Variants in SCP2 observed in about 807,000 individuals in gnomAD.
SCP2 encodes SCP-2/3-oxoacyl-CoA thiolase.
A neutral mutation model predicts 71.4 loss-of-function variants in SCP2; 48 were observed. The ratio of observed to expected loss-of-function variants is 0.67; its 90% CI spans 0.53 to 0.86. SCP2 has a LOEUF of 0.86. Ranked by LOEUF, SCP2 falls within the 40% of genes least tolerant of loss-of-function variation. SCP2 has a pLI of 0.00. For synonymous variants in SCP2, 220 were observed against 218.1 expected (o/e 1.01, Z -0.08); for missense variants, 560 against 655.6 (o/e 0.85, Z 1.59).
At chr1:53,031,685 C>T (rs1047580177) in intron 13 of SCP2, among the ~76,000 whole-genome samples, 1 of 152,214 alleles carries the variant, frequency 6.6e-6, no homozygotes, top group African/African-American at 2.4e-5. Context: ...CCTTTAAACT[C>T]TTTCTCCTCA....
chr1:53,032,279 G>T (rs1662604842), intron 13 of SCP2, among the ~76,000 whole-genome samples: 2 of 152,316 alleles, frequency 1.3e-5, no homozygotes, highest in African/African-American at 4.8e-5. Context: ...AGTTCTGGTT[G>T]TACTACCCAC....
chr1:53,043,828 T>C (rs1663598236), intron 14 of SCP2, among the ~76,000 whole-genome samples: 2 of 152,172 alleles, frequency 1.3e-5, no homozygotes, highest in African/African-American at 4.8e-5. Flanking sequence ...ATGTTATATA[T>C]CTGCAATAGA....
At chr1:52,966,593 A>G (rs1656977735) in intron 6 of SCP2, among the ~76,000 whole-genome samples, 1 of 152,064 alleles carries the variant, frequency 6.6e-6, no homozygotes, top group African/African-American at 2.4e-5. Flanking sequence ...ATTTTATACT[A>G]AAGAAATAGG....
At chr1:52,966,751 G>A (rs931694089) in intron 6 of SCP2, among the ~76,000 whole-genome samples, 8 of 151,492 alleles carry the variant, frequency 5.3e-5, no homozygotes, top group East Asian at 1.9e-4. Flanking sequence ...AAAATTAGCC[G>A]GCATGGTGGC....
At chr1:52,941,965 A>C (rs1557546199) in intron 2 of SCP2, 112 bp downstream of exon 2, 3 of 756,408 alleles carry the variant, frequency 4.0e-6, no homozygotes, top group Non-Finnish European at 7.0e-6. Flanking sequence ...TCAAGGGAGA[A>C]GAACCCGTAC....
At chr1:53,009,889 G>A (rs1235710433) in intron 11 of SCP2, among the ~76,000 whole-genome samples, 5 of 152,138 alleles carry the variant, frequency 3.3e-5, no homozygotes. Context: ...CTGAGAAAGG[G>A]CTAATATCCA....
chr1:52,976,975 A>T (rs544788928), intron 8 of SCP2, among the ~76,000 whole-genome samples: 1 of 152,074 alleles, frequency 6.6e-6, no homozygotes, highest in African/African-American at 2.4e-5. Flanking sequence ...TTGGAAAATG[A>T]TGTGTTTTAC....
chr1:52,982,392 A>C (rs1334219395), intron 10 of SCP2, among the ~76,000 whole-genome samples: 1 of 152,078 alleles, frequency 6.6e-6, no homozygotes, highest in Non-Finnish European at 1.5e-5. Context: ...AACACGGTGA[A>C]ACCCCCTCTC....
At chr1:52,949,933 G>A (rs1655141797) in intron 3 of SCP2, among the ~76,000 whole-genome samples, 1 of 152,116 alleles carries the variant, frequency 6.6e-6, no homozygotes, top group Admixed American at 6.5e-5. Context: ...AGTCTTTGAA[G>A]AGGAACCTCT....
At chr1:52,951,565 A>G (rs548420504) in intron 4 of SCP2, among the ~76,000 whole-genome samples, 1 of 151,576 alleles carries the variant, frequency 6.6e-6, no homozygotes, top group East Asian at 1.9e-4. Context: ...TAAAAAAAAA[A>G]AAAAAAAAAA....
intron 14 of SCP2, among the ~76,000 whole-genome samples, chr1:53,039,394 A>T (rs1412568333): frequency 1.3e-5 from 2 of 152,212 alleles, no homozygotes; most frequent in Non-Finnish European, 2.9e-5. Context: ...TAAGGTTGGT[A>T]TGAAGATTAA....
At chr1:53,002,426 G>T (rs539066223) in intron 11 of SCP2, among the ~76,000 whole-genome samples, 26 of 152,308 alleles carry the variant, frequency 1.7e-4, no homozygotes, top group African/African-American at 6.3e-4. Context: ...GAATTCATTG[G>T]AAGTTATATT....
intron 13 of SCP2, among the ~76,000 whole-genome samples, chr1:53,036,019 CAAAAAAAAAA>C (rs35164089): frequency 3.2e-5 from 2 of 63,292 alleles, no homozygotes; most frequent in African/African-American, 5.1e-5. Context: ...GACTCCGTCT[CAAAAAAAAAA>C]AAAAAAAAAA....
intron 5 of SCP2, among the ~76,000 whole-genome samples, chr1:52,957,618 A>C (rs1239904056): frequency 1.3e-5 from 2 of 152,388 alleles, no homozygotes; most frequent in East Asian, 3.9e-4. Flanking sequence ...ACAGTGAGCC[A>C]TGACTGTGCC....
At chr1:52,972,992 T>G (rs554296028) in intron 6 of SCP2, among the ~76,000 whole-genome samples, 1 of 152,240 alleles carries the variant, frequency 6.6e-6, no homozygotes, top group African/African-American at 2.4e-5. Context: ...TTAATTTATA[T>G]TCTGATCCAT....
At chr1:53,039,186 G>A in intron 14 of SCP2, 140 bp downstream of exon 14, 1 of 1,088,488 alleles carries the variant, frequency 9.2e-7, no homozygotes, top group Non-Finnish European at 1.3e-6. Flanking sequence ...CAGGGAACAG[G>A]AACAGGTCAA....
chr1:52,947,994 C>G lies in SCP2; in HGVS notation c.128-15C>G, dbSNP rs1654952630. 4 of 1,593,904 alleles carry G rather than the reference C, an allele frequency of 2.5e-6. No homozygotes were observed. The African/African-American group carries it at 4.0e-5, about 16-fold the overall frequency. Reference sequence around the variant, plus strand: ...ACTTAAAGCACTTTTTGATAAAAACCTTTCGTTTTTATAGGCAAGAAGGCT... The same window carrying G: ...ACTTAAAGCACTTTTTGATAAAAACGTTTCGTTTTTATAGGCAAGAAGGCT... On this transcript the variant is annotated splice_polypyrimidine_tract_variant and intron_variant, in intron 2 of 15. Transcript: ENST00000371514.
intron 12 of SCP2, among the ~76,000 whole-genome samples, chr1:53,023,930 C>T (rs879901605): frequency 3.7e-4 from 57 of 152,266 alleles, no homozygotes; most frequent in Middle Eastern, 6.8e-3. Context: ...CCCAAACTTC[C>T]TCAACTTCCA....
intron 1 of SCP2, among the ~76,000 whole-genome samples, chr1:52,941,333 G>A (rs1157509168): frequency 2.0e-5 from 3 of 152,144 alleles, no homozygotes; most frequent in Admixed American, 2.0e-4. Flanking sequence ...GGTTAGACTG[G>A]AAGCACTCTG....
Sources: allele counts gnomAD v4.1 joint callset (sites outside exome capture counted in the v4.1 genomes callset), GRCh38; gene constraint gnomAD v4.1.1; transcripts MANE v1.5; gene names NCBI Gene and HGNC (gene_info 2026-07-23, HGNC 2026-07-21).